The following WWOX variants were observed in gnomAD, a reference collection of about 807,000 sequenced individuals.
The protein encoded by WWOX is WW domain containing oxidoreductase, also known as WW domain-containing oxidoreductase.
A neutral mutation model predicts 46.2 loss-of-function variants in WWOX; 69 were observed. That is an observed-to-expected ratio of 1.49 (90% CI 1.23 to 1.82). The LOEUF (loss-of-function observed/expected upper bound fraction) is 1.82, where lower values mean the gene tolerates loss of function less well. Ranked by LOEUF, WWOX falls within the 40% of genes most tolerant of loss-of-function variation. The probability of loss-of-function intolerance (pLI) is 0.00; values close to 1 mark genes in which losing one functional copy is unlikely to be tolerated. For missense variants in WWOX, 919 were observed against 542.6 expected, an observed-to-expected ratio of 1.69 and a Z score of -6.89; for synonymous variants, 359 against 202.6, an observed-to-expected ratio of 1.77 and a Z score of -6.56.
chr16:79,202,446 T>A (rs970262649), intron 8 of WWOX, among the ~76,000 whole-genome samples: 1 of 152,120 alleles, frequency 6.6e-6, no homozygotes, highest in Non-Finnish European at 1.5e-5. Flanking sequence ...AAACCTACCT[T>A]GTGATTCTAG....
intron 8 of WWOX, among the ~76,000 whole-genome samples, chr16:79,040,370 G>T (rs775364554): frequency 1.3e-5 from 2 of 151,230 alleles, no homozygotes; most frequent in Non-Finnish European, 2.9e-5. Context: ...TGCCTCCCAG[G>T]CCCAAGCGAT....
At chr16:78,978,022 C>G (rs2046607459) in intron 8 of WWOX, among the ~76,000 whole-genome samples, 1 of 152,176 alleles carries the variant, frequency 6.6e-6, no homozygotes, top group Non-Finnish European at 1.5e-5. Flanking sequence ...AAAGTCTGTA[C>G]CAATTAAGCA....
At chr16:78,506,743 T>C (rs541916029) in intron 8 of WWOX, among the ~76,000 whole-genome samples, 1 of 136,750 alleles carries the variant, frequency 7.3e-6, no homozygotes, top group East Asian at 2.2e-4. Context: ...AGAGTCTTGC[T>C]CTGTTGTCCA....
intron 8 of WWOX, among the ~76,000 whole-genome samples, chr16:78,994,969 C>CTTTTTTTTTTTTTTTTTTTTTTTTTTTTT (rs869088414): frequency 1.7e-5 from 2 of 114,644 alleles, no homozygotes; most frequent in Admixed American, 1.0e-4. Context: ...TCTTCTTCTT[C>CTTTTTTTTTTTTTTTTTTTTTTTTTTTTT]TTTTTTTTTT....
intron 8 of WWOX, among the ~76,000 whole-genome samples, chr16:78,615,949 A>G (rs1454473330): frequency 6.6e-6 from 1 of 152,000 alleles, no homozygotes; most frequent in Non-Finnish European, 1.5e-5. Flanking sequence ...ACAGGGTTTC[A>G]CTGTGTTAGC....
At chr16:78,396,486 T>C (rs2082290361) in intron 6 of WWOX, among the ~76,000 whole-genome samples, 1 of 152,198 alleles carries the variant, frequency 6.6e-6, no homozygotes, top group South Asian at 2.1e-4. Context: ...TATATGTAAA[T>C]TGAACACAAC....
chr16:78,389,869 C>T (rs886583319), intron 6 of WWOX, among the ~76,000 whole-genome samples: 3 of 152,144 alleles, frequency 2.0e-5, no homozygotes, highest in African/African-American at 7.2e-5. Flanking sequence ...CATGCCTCAT[C>T]CTCCAGAGTA....
intron 8 of WWOX, among the ~76,000 whole-genome samples, chr16:78,813,734 T>C (rs2051258867): frequency 6.6e-6 from 1 of 152,228 alleles, no homozygotes; most frequent in Non-Finnish European, 1.5e-5. Flanking sequence ...GCTTTCTCTT[T>C]GTCGCCGTTA....
intron 8 of WWOX, among the ~76,000 whole-genome samples, chr16:78,677,736 A>G (rs1391450621): frequency 6.6e-6 from 1 of 152,204 alleles, no homozygotes; most frequent in African/African-American, 2.4e-5. Flanking sequence ...TGCCTGGCAC[A>G]TAGGATATGT....
chr16:78,369,609 A>G (rs1196213241), intron 5 of WWOX, among the ~76,000 whole-genome samples: 1 of 151,698 alleles, frequency 6.6e-6, no homozygotes, highest in Non-Finnish European at 1.5e-5. Context: ...TCTGGGCAAA[A>G]CTCAAAGAGG....
intron 8 of WWOX, among the ~76,000 whole-genome samples, chr16:78,476,733 G>A (rs1257443737): frequency 6.6e-6 from 1 of 152,160 alleles, no homozygotes; most frequent in East Asian, 1.9e-4. Context: ...TGCTTCTTCA[G>A]TTGAAGACCT....
At chr16:79,071,727 C>T (rs188426813) in intron 8 of WWOX, among the ~76,000 whole-genome samples, 3 of 152,222 alleles carry the variant, frequency 2.0e-5, no homozygotes, top group African/African-American at 7.2e-5. Context: ...AAGTTGGTCC[C>T]TTGATTGCTT....
chr16:78,109,897 T>C (rs1318244932), intron 3 of WWOX, 62 bp downstream of exon 3: 12 of 1,532,870 alleles, frequency 7.8e-6, no homozygotes, highest in African/African-American at 4.1e-5. Context: ...TTTTTAATTA[T>C]AAAAGTAATA....
At chr16:78,908,622 C>T (rs1597136182) in intron 8 of WWOX, among the ~76,000 whole-genome samples, 1 of 151,920 alleles carries the variant, frequency 6.6e-6, no homozygotes, top group Admixed American at 6.6e-5. Flanking sequence ...TAAGTCTCCC[C>T]CAAAACTCAG....
chr16:78,671,595 C>G (rs2047465452), intron 8 of WWOX, among the ~76,000 whole-genome samples: 1 of 152,096 alleles, frequency 6.6e-6, no homozygotes, highest in Admixed American at 6.5e-5. Context: ...TCTCAGAGCC[C>G]TGATTTTCTT....
intron 8 of WWOX, among the ~76,000 whole-genome samples, chr16:78,617,286 C>T (rs1048941718): frequency 6.6e-6 from 1 of 151,626 alleles, no homozygotes; most frequent in South Asian, 2.1e-4. Flanking sequence ...CCTGTGGCCT[C>T]AGCTACTTAG....
chr16:79,053,589 A>T (rs756127612), intron 8 of WWOX, among the ~76,000 whole-genome samples: 13 of 152,226 alleles, frequency 8.5e-5, no homozygotes, highest in Non-Finnish European at 1.6e-4. Flanking sequence ...AACTTGGAAG[A>T]TATGAATATT....
intron 8 of WWOX, among the ~76,000 whole-genome samples, chr16:78,782,211 C>T (rs981919066): frequency 6.6e-6 from 1 of 152,310 alleles, no homozygotes; most frequent in Middle Eastern, 3.4e-3. Flanking sequence ...CCTATCCCTT[C>T]CGATTGACCC....
At chr16:78,412,702 C>G (rs954600097) in intron 6 of WWOX, among the ~76,000 whole-genome samples, 3 of 152,060 alleles carry the variant, frequency 2.0e-5, no homozygotes, top group Admixed American at 6.6e-5. Context: ...GAGGAGGTTG[C>G]TGAATTTATT....
Sources: gnomAD v4.1 joint callset for allele counts (sites outside exome capture counted in the v4.1 genomes callset) on GRCh38, gnomAD v4.1.1 for gene constraint, MANE v1.5 for transcripts, NCBI Gene and HGNC (gene_info 2026-07-23, HGNC 2026-07-21) for gene names.